FBXL17: variants seen among roughly 807,000 people sequenced by gnomAD.
FBXL17 encodes F-box and leucine rich repeat protein 17, also known as F-box/LRR-repeat protein 17.
In FBXL17, 22 loss-of-function variants were observed where a neutral mutation model predicts 66.2. The ratio of observed to expected loss-of-function variants is 0.33; its 90% CI spans 0.24 to 0.47. FBXL17 has a LOEUF of 0.47. Ranked by LOEUF, FBXL17 falls within the 20% of genes least tolerant of loss-of-function variation. The pLI is 1.00. For missense variants in FBXL17, 878 were observed against 948.2 expected (o/e 0.93, Z 0.97); for synonymous variants, 474 against 400.5 (o/e 1.18, Z -2.19).
At chr5:108,315,330 T>A (rs539073874) in intron 4 of FBXL17, among the ~76,000 whole-genome samples, 8 of 151,454 alleles carry the variant, frequency 5.3e-5, no homozygotes, top group African/African-American at 1.9e-4. Flanking sequence ...AATAGTAACA[T>A]CATCAAGATT....
chr5:107,955,946 A>G (rs1323408737), intron 7 of FBXL17, among the ~76,000 whole-genome samples: 1 of 152,182 alleles, frequency 6.6e-6, no homozygotes, highest in Middle Eastern at 3.2e-3. Context: ...TTACTTGCTA[A>G]AAAATCAATT....
At chr5:107,875,955 C>T (rs759920240) in intron 8 of FBXL17, among the ~76,000 whole-genome samples, 2 of 152,216 alleles carry the variant, frequency 1.3e-5, no homozygotes, top group Non-Finnish European at 2.9e-5. Flanking sequence ...TGGGCGGGCT[C>T]TTCACGCCTG....
chr5:107,890,887 G>C (rs550148490), intron 7 of FBXL17, among the ~76,000 whole-genome samples: 5 of 152,052 alleles, frequency 3.3e-5, no homozygotes, highest in Non-Finnish European at 7.4e-5. Context: ...TCTTTCATTC[G>C]ACAAATACAA....
intron 6 of FBXL17, among the ~76,000 whole-genome samples, chr5:108,110,329 T>G (rs1749980587): frequency 6.6e-6 from 1 of 152,190 alleles, no homozygotes; most frequent in African/African-American, 2.4e-5. Flanking sequence ...ACAACTGAAA[T>G]AGACTAAAGT....
intron 4 of FBXL17, among the ~76,000 whole-genome samples, chr5:108,343,531 G>A (rs1166787608): frequency 6.6e-6 from 1 of 152,154 alleles, no homozygotes; most frequent in Non-Finnish European, 1.5e-5. Context: ...GGGGAACTAA[G>A]GGTGCGGACA....
intron 4 of FBXL17, among the ~76,000 whole-genome samples, chr5:108,318,547 T>C (rs1302582851): frequency 6.6e-6 from 1 of 151,886 alleles, no homozygotes; most frequent in Non-Finnish European, 1.5e-5. Flanking sequence ...GCTAATAGCA[T>C]TTAATATCTT....
At chr5:108,316,525 A>C (rs1411740869) in intron 4 of FBXL17, among the ~76,000 whole-genome samples, 1 of 151,488 alleles carries the variant, frequency 6.6e-6, no homozygotes, top group Non-Finnish European at 1.5e-5. Flanking sequence ...CATATAAATA[A>C]TAGCTATCTT....
chr5:108,247,769 A>G (rs1311660182), intron 4 of FBXL17, among the ~76,000 whole-genome samples: 1 of 152,160 alleles, frequency 6.6e-6, no homozygotes, highest in Non-Finnish European at 1.5e-5. Flanking sequence ...AGTGGTTTAC[A>G]TCATTCATCT....
chr5:108,305,783 G>A (rs952983980), intron 4 of FBXL17, among the ~76,000 whole-genome samples: 1 of 152,106 alleles, frequency 6.6e-6, no homozygotes, highest in African/African-American at 2.4e-5. Context: ...AACACTGTTA[G>A]GTAGTCCTTT....
At chr5:108,040,007 G>C (rs1047423273) in intron 6 of FBXL17, among the ~76,000 whole-genome samples, 2 of 152,010 alleles carry the variant, frequency 1.3e-5, no homozygotes, top group Non-Finnish European at 2.9e-5. Context: ...AAATAGAAAA[G>C]TTTATATTAT....
At chr5:107,884,657 G>A (rs1473143730) in intron 7 of FBXL17, among the ~76,000 whole-genome samples, 1 of 152,214 alleles carries the variant, frequency 6.6e-6, no homozygotes, top group East Asian at 1.9e-4. Context: ...TATAAAACCT[G>A]TAATGTGGTC....
intron 6 of FBXL17, among the ~76,000 whole-genome samples, chr5:108,171,171 C>T (rs1752592826): frequency 6.6e-6 from 1 of 152,134 alleles, no homozygotes; most frequent in Admixed American, 6.6e-5. Flanking sequence ...CTGGAAACTG[C>T]AAATGGATGT....
intron 6 of FBXL17, among the ~76,000 whole-genome samples, chr5:108,042,114 C>T (rs1372856745): frequency 6.6e-6 from 1 of 152,064 alleles, no homozygotes; most frequent in African/African-American, 2.4e-5. Context: ...AGGCTGGTCT[C>T]GAACTCCTGA....
chr5:108,095,969 A>G (rs376328103), intron 6 of FBXL17, among the ~76,000 whole-genome samples: 2 of 152,182 alleles, frequency 1.3e-5, no homozygotes, highest in South Asian at 4.1e-4. Context: ...TGTAAGTTTA[A>G]AATTCTAAGG....
chr5:108,347,590 T>G (rs1223714319), intron 4 of FBXL17, among the ~76,000 whole-genome samples: 1 of 152,226 alleles, frequency 6.6e-6, no homozygotes, highest in East Asian at 1.9e-4. Flanking sequence ...AGACCACGTA[T>G]CACGTGATTC....
chr5:108,243,836 G>T (rs924841811), intron 4 of FBXL17, among the ~76,000 whole-genome samples: 1 of 152,090 alleles, frequency 6.6e-6, no homozygotes, highest in Non-Finnish European at 1.5e-5. Context: ...ACCAGAAATA[G>T]TATATACAAT....
At chr5:108,093,522 C>G (rs1397267554) in intron 6 of FBXL17, among the ~76,000 whole-genome samples, 3 of 152,122 alleles carry the variant, frequency 2.0e-5, no homozygotes, top group Admixed American at 1.3e-4. Flanking sequence ...TCTTGAAAAG[C>G]TGAAAAGGTA....
At chr5:108,262,290 G>C (rs896140305) in intron 4 of FBXL17, among the ~76,000 whole-genome samples, 1 of 151,602 alleles carries the variant, frequency 6.6e-6, no homozygotes, top group African/African-American at 2.4e-5. Context: ...TGTTAGCCAG[G>C]ATGGTCTCGA....
intron 6 of FBXL17, among the ~76,000 whole-genome samples, chr5:108,137,404 T>C (rs770608771): frequency 6.6e-6 from 1 of 152,138 alleles, no homozygotes; most frequent in Admixed American, 6.5e-5. Context: ...CTCTACGTCA[T>C]GGCATGTTGC....
Sources: gnomAD v4.1 joint callset for allele counts (sites outside exome capture counted in the v4.1 genomes callset) on GRCh38, gnomAD v4.1.1 for gene constraint, MANE v1.5 for transcripts, NCBI Gene and HGNC (gene_info 2026-07-23, HGNC 2026-07-21) for gene names.